The following SETBP1 variants were observed in gnomAD, a reference collection of about 807,000 sequenced individuals.
The protein encoded by SETBP1 is SET-binding protein.
In SETBP1, 9 loss-of-function variants were observed where a neutral mutation model predicts 101.0. That is an observed-to-expected ratio of 0.09 (90% CI 0.05 to 0.16). The LOEUF (loss-of-function observed/expected upper bound fraction) is 0.16, where lower values mean the gene tolerates loss of function less well. SETBP1 is among the 10% of genes least tolerant of loss of function. SETBP1 has a pLI of 1.00. For missense variants in SETBP1, 1,858 were observed against 2,033.8 expected, an observed-to-expected ratio of 0.91 and a Z score of 1.66; for synonymous variants, 818 against 788.5, an observed-to-expected ratio of 1.04 and a Z score of -0.63.
Position 44,952,956 on chromosome 18 carries a change from C to T in SETBP1, c.3616C>T (p.His1206Tyr), listed in dbSNP as rs2071396956. ...CCCGCTGGTGAGTGAGAAGAACAAG[C>T]ATAAGGAGAAACAGAAGCACCAGCA... is the stretch of plus-strand genomic sequence containing the variant. ...ELPLVSEKNK[H>Y]KEKQKHQHSE... Residue 1206 changes from histidine to tyrosine, a missense_variant, in exon 4 of 6, where the codon CAT becomes TAT. By Grantham distance (83) the His-to-Tyr change is moderately conservative (BLOSUM62 2). Coordinates refer to ENST00000649279, the MANE Select transcript of SETBP1 (RefSeq NM_015559.3). The T allele has an allele frequency of 1.9e-6, 3 of 1,614,120 alleles. No homozygotes were observed. The highest frequency in any genetic ancestry group is 2.5e-6 in the Non-Finnish European group (3 of 1,180,034).
At chr18:44,699,637 G>C (rs149690251) in intron 1 of SETBP1, among the ~76,000 whole-genome samples, 1 of 152,332 alleles carries the variant, frequency 6.6e-6, no homozygotes, top group African/African-American at 2.4e-5. Context: ...TCTCACTAGG[G>C]CAGCTTCTTC....
rs182796633 is a variant in SETBP1 at position 44,863,351 on chromosome 18, G to A, written c.487-5879G>A. On this transcript the variant is annotated intron_variant, in intron 2 of 5. Transcript: ENST00000649279. ...TTTTTTGTTTCTGATTCTCCACTGG[G>A]TAAGTCACTTTATCTTTCTGTGCCT... Among the ~76,000 whole-genome samples the A allele has an allele frequency of 3.1e-3, 472 of 152,322 alleles. 4 individuals are homozygous for A. The highest frequency in any genetic ancestry group is 4.3e-3 in the Non-Finnish European group (295 of 68,032).
intron 3 of SETBP1, among the ~76,000 whole-genome samples, chr18:44,929,059 T>G (rs1000107349): frequency 6.6e-6 from 1 of 152,226 alleles, no homozygotes; most frequent in Non-Finnish European, 1.5e-5. Context: ...TTTTTATGGC[T>G]TTAGGTCTAA....
intron 2 of SETBP1, among the ~76,000 whole-genome samples, chr18:44,862,637 A>C (rs2069039989): frequency 6.6e-6 from 1 of 152,238 alleles, no homozygotes; most frequent in African/African-American, 2.4e-5. Context: ...CTCATGTAGC[A>C]GTCTGAGTGG....
At chr18:44,989,641 G>A (rs748694141) in intron 4 of SETBP1, among the ~76,000 whole-genome samples, 13 of 151,548 alleles carry the variant, frequency 8.6e-5, no homozygotes, top group Admixed American at 3.3e-4. Context: ...CTGCCGAGGC[G>A]GGCGGATCAC....
chr18:45,029,788 C>T (rs550362220), intron 4 of SETBP1, among the ~76,000 whole-genome samples: 5 of 152,152 alleles, frequency 3.3e-5, no homozygotes, highest in East Asian at 1.9e-4. Context: ...AACGGGAGTT[C>T]GCTCATGATT....
intron 1 of SETBP1, among the ~76,000 whole-genome samples, chr18:44,685,137 T>G (rs1473324228): frequency 6.6e-6 from 1 of 151,974 alleles, no homozygotes; most frequent in Non-Finnish European, 1.5e-5. Context: ...GTAGAACAAG[T>G]GTAGGCAAAG....
At chr18:44,852,233 G>A (rs1268577609) in intron 2 of SETBP1, among the ~76,000 whole-genome samples, 1 of 152,204 alleles carries the variant, frequency 6.6e-6, no homozygotes, top group Admixed American at 6.5e-5. Context: ...CTGAGTGGTA[G>A]GCAGTGATCA....
At chr18:44,720,589 T>G (rs2069565623) in intron 2 of SETBP1, among the ~76,000 whole-genome samples, 1 of 152,134 alleles carries the variant, frequency 6.6e-6, no homozygotes, top group Non-Finnish European at 1.5e-5. Flanking sequence ...AGTGTCTACC[T>G]TGTTAGGGAG....
At chr18:44,686,312 C>A (rs1053003709) in intron 1 of SETBP1, among the ~76,000 whole-genome samples, 2 of 152,230 alleles carry the variant, frequency 1.3e-5, no homozygotes, top group Non-Finnish European at 2.9e-5. Flanking sequence ...ATGCAATATG[C>A]CCCAGGCTGT....
At chr18:44,934,547 C>G (rs2070916431) in intron 3 of SETBP1, among the ~76,000 whole-genome samples, 1 of 152,128 alleles carries the variant, frequency 6.6e-6, no homozygotes, top group Non-Finnish European at 1.5e-5. Flanking sequence ...TTTTCTGATT[C>G]CAGAGTTTCA....
At chr18:44,867,507 G>A (rs1490689284) in intron 2 of SETBP1, among the ~76,000 whole-genome samples, 1 of 152,196 alleles carries the variant, frequency 6.6e-6, no homozygotes, top group Non-Finnish European at 1.5e-5. Context: ...TCCCACTGAT[G>A]TACACATGTC....
chr18:44,785,861 G>A (rs2071229474), intron 2 of SETBP1, among the ~76,000 whole-genome samples: 2 of 152,128 alleles, frequency 1.3e-5, no homozygotes, highest in Non-Finnish European at 2.9e-5. Flanking sequence ...TGAAAGGATG[G>A]TATCATTGCC....
chr18:44,758,320 A>C (rs970506541), intron 2 of SETBP1, among the ~76,000 whole-genome samples: 1 of 152,214 alleles, frequency 6.6e-6, no homozygotes, highest in Non-Finnish European at 1.5e-5. Flanking sequence ...GAGCAAATAA[A>C]ACAGCTGAGA....
At chr18:44,816,210 T>G (rs145479482) in intron 2 of SETBP1, among the ~76,000 whole-genome samples, 1,665 of 152,212 alleles carry the variant, frequency 0.011, 32 homozygotes, top group African/African-American at 0.038. Context: ...CATTCTGTGC[T>G]GCAGTCATCT....
At chr18:44,680,263 G>C (rs2068736879), upstream of SETBP1, 1 of 148,280 alleles carries the variant, frequency 6.7e-6, no homozygotes, top group Non-Finnish European at 1.5e-5. Context: ...CGGCCAGCTC[G>C]CGGCTCGCCG....
At chr18:44,990,230 A>G (rs1228305788) in intron 4 of SETBP1, among the ~76,000 whole-genome samples, 1 of 152,180 alleles carries the variant, frequency 6.6e-6, no homozygotes, top group South Asian at 2.1e-4. Flanking sequence ...TCGAGAAAGA[A>G]GGTTGGAGAT....
chr18:44,890,988 A>G (rs913251955), intron 3 of SETBP1, among the ~76,000 whole-genome samples: 1 of 152,162 alleles, frequency 6.6e-6, no homozygotes, highest in African/African-American at 2.4e-5. Context: ...ATAAAGACAT[A>G]CTGAAGACTG....
At chr18:44,737,478 C>G (rs2069995020) in intron 2 of SETBP1, among the ~76,000 whole-genome samples, 1 of 152,158 alleles carries the variant, frequency 6.6e-6, no homozygotes, top group African/African-American at 2.4e-5. Context: ...ACTGTGCTTA[C>G]TTAATATTGT....
Sources: gnomAD v4.1 joint callset for allele counts (sites outside exome capture counted in the v4.1 genomes callset) on GRCh38, gnomAD v4.1.1 for gene constraint, MANE v1.5 for transcripts, NCBI Gene and HGNC (gene_info 2026-07-23, HGNC 2026-07-21) for gene names.